IMMP2L: variants seen among roughly 807,000 people sequenced by gnomAD.
IMMP2L encodes mitochondrial inner membrane protease subunit 2.
A neutral mutation model predicts 19.3 loss-of-function variants in IMMP2L; 18 were observed. The ratio of observed to expected loss-of-function variants is 0.93; its 90% CI spans 0.64 to 1.38. IMMP2L has a LOEUF of 1.38. Ranked by LOEUF, IMMP2L falls within the 40% of genes most tolerant of loss-of-function variation. The probability of loss-of-function intolerance (pLI) is 0.00; values close to 1 mark genes in which losing one functional copy is unlikely to be tolerated. For synonymous variants in IMMP2L, 76 were observed against 73.0 expected, an observed-to-expected ratio of 1.04 and a Z score of -0.21; for missense variants, 233 against 218.2, an observed-to-expected ratio of 1.07 and a Z score of -0.43.
At chr7:110,908,284 C>T (rs1812685212) in intron 4 of IMMP2L, among the ~76,000 whole-genome samples, 2 of 152,230 alleles carry the variant, frequency 1.3e-5, no homozygotes, top group Non-Finnish European at 1.5e-5. Flanking sequence ...AGTTTAATAT[C>T]ACTAAACCAC....
At chr7:111,299,107 A>G (rs1199234137) in intron 3 of IMMP2L, among the ~76,000 whole-genome samples, 1 of 152,152 alleles carries the variant, frequency 6.6e-6, no homozygotes, top group Non-Finnish European at 1.5e-5. Context: ...CTGGTGTACA[A>G]TGTCATTGAG....
At chr7:111,320,667 C>T (rs1361739985) in intron 3 of IMMP2L, among the ~76,000 whole-genome samples, 1 of 151,970 alleles carries the variant, frequency 6.6e-6, no homozygotes, top group Non-Finnish European at 1.5e-5. Context: ...TACTCAGTTA[C>T]TCATATTCTC....
In IMMP2L at chr7:111,505,155, T is replaced by C. The variant is rs1441531428; in HGVS notation, c.135+16158A>G. 5.3e-5 allele frequency among the ~76,000 whole-genome samples: 8 copies of C among 151,586 alleles called. 1 individual carries two copies. Among genetic ancestry groups the C allele is most frequent in the Admixed American group, 4.6e-4 (7 of 15,226 alleles). ...AAAAACAAACAACCCCATCAAAAAG[T>C]GGGCAAAGGATATGAACAGACACTT... is the stretch of plus-strand genomic sequence containing the variant. On this transcript the variant is annotated intron_variant, in intron 2 of 5. Transcript: ENST00000405709.
At chr7:110,894,364 A>G (rs976777583) in intron 4 of IMMP2L, among the ~76,000 whole-genome samples, 11 of 152,288 alleles carry the variant, frequency 7.2e-5, no homozygotes, top group African/African-American at 2.6e-4. Context: ...ACCAATGTTT[A>G]AGAGTTTCTG....
intron 3 of IMMP2L, among the ~76,000 whole-genome samples, chr7:111,420,808 G>C (rs1472314313): frequency 6.6e-6 from 1 of 151,746 alleles, no homozygotes; most frequent in Non-Finnish European, 1.5e-5. Context: ...GTCTATCAAT[G>C]ATGGACATTT....
intron 4 of IMMP2L, among the ~76,000 whole-genome samples, chr7:110,895,186 T>A (rs1370941780): frequency 6.6e-6 from 1 of 152,060 alleles, no homozygotes; most frequent in Non-Finnish European, 1.5e-5. Context: ...TTTAAAACCA[T>A]CAGATCTCAT....
rs1251512143 is a variant in IMMP2L, at chr7:110,665,154, C to T, written c.409-1433G>A. On this transcript the variant is annotated intron_variant, in intron 5 of 5. Transcript: ENST00000405709. Reference sequence around the variant, plus strand: ...GGCTCAATAAAGGGTTCTTTTTTTTCTTCTACTTGTTATTTTGAAAATCAG... The same window carrying T: ...GGCTCAATAAAGGGTTCTTTTTTTTTTTCTACTTGTTATTTTGAAAATCAG... The T allele has an allele frequency of 3.9e-5, 6 of 152,128 alleles. No homozygotes were observed. The East Asian group carries it at 9.7e-4, about 24-fold the overall frequency. 9.4% of individuals were successfully genotyped at this position (152,128 alleles called of 1,614,324 possible). A position where few individuals can be genotyped will look rare whatever the true frequency, so the allele number is the denominator to read the frequency against.
chr7:111,234,974 G>A (rs2129626041), intron 3 of IMMP2L, among the ~76,000 whole-genome samples: 1 of 152,064 alleles, frequency 6.6e-6, no homozygotes, highest in Admixed American at 6.6e-5. Flanking sequence ...TCTGTAAGGG[G>A]AGAAAATTAC....
intron 3 of IMMP2L, among the ~76,000 whole-genome samples, chr7:111,420,965 C>G (rs1333437842): frequency 1.3e-5 from 2 of 151,790 alleles, no homozygotes; most frequent in East Asian, 1.9e-4. Context: ...AGTTCTAGAT[C>G]CTTGAGGAAT....
intron 5 of IMMP2L, among the ~76,000 whole-genome samples, chr7:110,853,261 C>T (rs1164093463): frequency 4.6e-5 from 7 of 151,830 alleles, no homozygotes; most frequent in African/African-American, 1.7e-4. Context: ...GAAATTTGTA[C>T]TTTATACACA....
rs563679680 is a variant in IMMP2L at position 110,953,234 on chromosome 7, G to T, written c.305+10266C>A. Among the ~76,000 whole-genome samples, 6 of 152,090 alleles carry T rather than the reference G, an allele frequency of 3.9e-5. No individual in the cohort carries two copies. The South Asian group carries it at 1.2e-3, about 32-fold the overall frequency. On this transcript the variant is annotated intron_variant, in intron 4 of 5. Transcript: ENST00000405709. ...CTGAATGGGCAGTTTTGTTACATAG[G>T]TATATACATGCCATGGTGGTTTGCT... is the stretch of plus-strand genomic sequence containing the variant.
At chr7:111,173,522 T>C (rs1246456237) in intron 3 of IMMP2L, among the ~76,000 whole-genome samples, 1 of 151,630 alleles carries the variant, frequency 6.6e-6, no homozygotes, top group Non-Finnish European at 1.5e-5. Context: ...GTATGAATTT[T>C]ATACATTGCC....
chr7:111,417,899 G>C (rs1311472711), intron 3 of IMMP2L, among the ~76,000 whole-genome samples: 2 of 151,776 alleles, frequency 1.3e-5, no homozygotes, highest in Non-Finnish European at 2.9e-5. Flanking sequence ...ATCTGCAGCT[G>C]TTCTATAAAT....
At chr7:110,723,902 A>G (rs1422654133) in intron 5 of IMMP2L, among the ~76,000 whole-genome samples, 1 of 152,064 alleles carries the variant, frequency 6.6e-6, no homozygotes, top group Non-Finnish European at 1.5e-5. Context: ...AGTAATCAAA[A>G]GGAACTTAGA....
intron 3 of IMMP2L, among the ~76,000 whole-genome samples, chr7:111,005,292 T>C (rs1183964993): frequency 6.6e-6 from 1 of 152,176 alleles, no homozygotes; most frequent in African/African-American, 2.4e-5. Flanking sequence ...ATCTTTCCTA[T>C]AGGAGAAAAT....
chr7:110,961,339 C>G (rs1299054766), intron 4 of IMMP2L, among the ~76,000 whole-genome samples: 1 of 151,678 alleles, frequency 6.6e-6, no homozygotes, highest in Non-Finnish European at 1.5e-5. Context: ...TTTAAATTAT[C>G]TCTAGGTTAC....
intron 2 of IMMP2L, among the ~76,000 whole-genome samples, chr7:111,510,522 C>G (rs756308500): frequency 6.6e-5 from 10 of 152,092 alleles, no homozygotes; most frequent in Non-Finnish European, 1.2e-4. Context: ...GCCAATTCTT[C>G]CAGCTAGCAA....
chr7:111,467,778 G>A (rs530170841), intron 3 of IMMP2L, among the ~76,000 whole-genome samples: 5 of 152,112 alleles, frequency 3.3e-5, no homozygotes, highest in Non-Finnish European at 4.4e-5. Context: ...AAACACTCCC[G>A]AAGTAGAAGC....
intron 3 of IMMP2L, among the ~76,000 whole-genome samples, chr7:111,374,166 T>G (rs147466519): frequency 2.0e-5 from 3 of 152,090 alleles, no homozygotes; most frequent in African/African-American, 7.2e-5. Context: ...GCTCACATGC[T>G]AAAGCTTGAT....
Sources: gnomAD v4.1 joint callset for allele counts (sites outside exome capture counted in the v4.1 genomes callset) on GRCh38, gnomAD v4.1.1 for gene constraint, MANE v1.5 for transcripts, NCBI Gene and HGNC (gene_info 2026-07-23, HGNC 2026-07-21) for gene names.